SHISA9: variants seen among roughly 807,000 people sequenced by gnomAD.
SHISA9 encodes the protein protein shisa-9.
Under a neutral mutation model 38.0 loss-of-function variants are expected in SHISA9, and 13 were observed. That is an observed-to-expected ratio of 0.34 (90% CI 0.22 to 0.54). SHISA9 has a LOEUF of 0.54. SHISA9 is among the 20% of genes least tolerant of loss of function. SHISA9 has a pLI of 0.91. For missense variants in SHISA9, 538 were observed against 575.8 expected, an observed-to-expected ratio of 0.93 and a Z score of 0.67; for synonymous variants, 275 against 242.0, an observed-to-expected ratio of 1.14 and a Z score of -1.27.
At chr16:13,509,695 T>C in the SHISA9 span, among the ~76,000 whole-genome samples, 4 of 152,186 alleles carry the variant, frequency 2.6e-5, no homozygotes, top group African/African-American at 7.2e-5. Flanking sequence ...TTTAAGAGAT[T>C]GCAATGAGAA....
At chr16:13,202,704 G>T (rs1016979172) in intron 2 of SHISA9, among the ~76,000 whole-genome samples, 1 of 151,882 alleles carries the variant, frequency 6.6e-6, no homozygotes, top group African/African-American at 2.4e-5. Flanking sequence ...ATTCATTTAA[G>T]AATTCCCATA....
At chr16:13,309,005 C>G in the SHISA9 span, among the ~76,000 whole-genome samples, 6 of 152,194 alleles carry the variant, frequency 3.9e-5, no homozygotes. Context: ...GTTTCTCTAA[C>G]AAGGTCTATA....
chr16:12,931,750 A>G (rs1025438385), intron 2 of SHISA9, among the ~76,000 whole-genome samples: 7 of 152,210 alleles, frequency 4.6e-5, no homozygotes, highest in Non-Finnish European at 1.5e-5. Flanking sequence ...TGATGAACAT[A>G]CAGGTGGGTA....
chr16:13,038,562 A>G (rs1222149021), intron 2 of SHISA9, among the ~76,000 whole-genome samples: 1 of 152,170 alleles, frequency 6.6e-6, no homozygotes, highest in African/African-American at 2.4e-5. Flanking sequence ...ACTGACTAGA[A>G]CGCTTGCATC....
At chr16:13,471,503 G>A in the SHISA9 span, among the ~76,000 whole-genome samples, 4 of 152,144 alleles carry the variant, frequency 2.6e-5, no homozygotes, top group African/African-American at 7.2e-5. Flanking sequence ...GGAGATGAGT[G>A]TGTGTTCCTT....
chr16:13,411,231 C>G, the SHISA9 span, among the ~76,000 whole-genome samples: 1 of 152,226 alleles, frequency 6.6e-6, no homozygotes, highest in Non-Finnish European at 1.5e-5. Flanking sequence ...GAAAGCTAGA[C>G]AGCACTACAT....
the SHISA9 span, among the ~76,000 whole-genome samples, chr16:13,409,245 C>T: frequency 0.013 from 2,011 of 152,276 alleles, 18 homozygotes; most frequent in Middle Eastern, 0.037. Context: ...CCATCCATTC[C>T]GCTGACAGCC....
the SHISA9 span, among the ~76,000 whole-genome samples, chr16:13,348,512 G>A: frequency 2.0e-5 from 3 of 151,824 alleles, no homozygotes; most frequent in Non-Finnish European, 4.4e-5. Flanking sequence ...TGAGTAATTT[G>A]CCTAAGAACA....
chr16:12,918,192 C>T (rs2071282740), intron 2 of SHISA9, among the ~76,000 whole-genome samples: 2 of 152,098 alleles, frequency 1.3e-5, no homozygotes, highest in Non-Finnish European at 2.9e-5. Context: ...TCCCATAGCC[C>T]CCCGAAGATA....
the SHISA9 span, among the ~76,000 whole-genome samples, chr16:13,390,753 C>A: frequency 6.6e-6 from 1 of 152,230 alleles, no homozygotes; most frequent in Non-Finnish European, 1.5e-5. Flanking sequence ...GAGATCAGCA[C>A]GCTGGGTGAC....
intron 2 of SHISA9, among the ~76,000 whole-genome samples, chr16:13,062,465 C>G (rs541954466): frequency 6.6e-6 from 1 of 152,260 alleles, no homozygotes; most frequent in Non-Finnish European, 1.5e-5. Flanking sequence ...TCTTACCTGC[C>G]ACAACTGAGC....
chr16:13,065,060 T>G (rs1192490217), intron 2 of SHISA9, among the ~76,000 whole-genome samples: 2 of 152,154 alleles, frequency 1.3e-5, no homozygotes, highest in Non-Finnish European at 1.5e-5. Flanking sequence ...GACAATGTGG[T>G]CAGTCTGGCC....
At chr16:13,230,239 T>C (rs1284905456) in intron 4 of SHISA9, among the ~76,000 whole-genome samples, 1 of 152,210 alleles carries the variant, frequency 6.6e-6, no homozygotes, top group African/African-American at 2.4e-5. Context: ...AAGTGTCCAG[T>C]ACATGGTGGG....
At chr16:13,022,607 C>T (rs781562799) in intron 2 of SHISA9, among the ~76,000 whole-genome samples, 9 of 152,034 alleles carry the variant, frequency 5.9e-5, no homozygotes, top group Non-Finnish European at 1.3e-4. Flanking sequence ...GCTGGGATTA[C>T]AGTTGTAAGC....
intron 2 of SHISA9, among the ~76,000 whole-genome samples, chr16:12,944,866 T>G (rs12935276): frequency 0.25 from 37,341 of 151,840 alleles, 4,792 homozygotes; most frequent in Middle Eastern, 0.37. Context: ...TATTTGAGAG[T>G]TGATCCCAGG....
chr16:13,226,371 A>G (rs10521100), intron 4 of SHISA9, among the ~76,000 whole-genome samples: 8,601 of 152,282 alleles, frequency 0.056, 351 homozygotes, highest in Non-Finnish European at 0.083. Context: ...TGCTTCTCTA[A>G]GAGACCACCT....
intron 3 of SHISA9, among the ~76,000 whole-genome samples, chr16:13,207,219 G>A (rs1353586606): frequency 6.6e-6 from 1 of 152,132 alleles, no homozygotes; most frequent in Non-Finnish European, 1.5e-5. Context: ...AGCGGAGATG[G>A]TGCCACTGCA....
chr16:13,234,670 C>T (rs1002888248), intron 4 of SHISA9, among the ~76,000 whole-genome samples: 3 of 152,178 alleles, frequency 2.0e-5, no homozygotes, highest in African/African-American at 7.2e-5. Flanking sequence ...ACTCTTTTCT[C>T]TAATGAAAAT....
At chr16:13,096,479 G>T (rs2073829210) in intron 2 of SHISA9, among the ~76,000 whole-genome samples, 1 of 152,178 alleles carries the variant, frequency 6.6e-6, no homozygotes, top group African/African-American at 2.4e-5. Context: ...ACCTAGCTGG[G>T]GCTGGGGGCT....
Sources: gnomAD v4.1 joint callset for allele counts (sites outside exome capture counted in the v4.1 genomes callset) on GRCh38, gnomAD v4.1.1 for gene constraint, MANE v1.5 for transcripts, NCBI Gene and HGNC (gene_info 2026-07-23, HGNC 2026-07-21) for gene names.